COCH: variants seen among roughly 807,000 people sequenced by gnomAD.
COCH encodes the protein cochlin.
COCH carries 40 observed loss-of-function variants against 54.8 expected under a neutral mutation model. The ratio of observed to expected loss-of-function variants is 0.73; its 90% CI spans 0.57 to 0.95. COCH has a LOEUF of 0.95. Ranked by LOEUF, COCH falls within the 40% of genes least tolerant of loss-of-function variation. The pLI, the probability that COCH is intolerant of heterozygous loss-of-function variation, is 0.00. For synonymous variants in COCH, 256 were observed against 237.9 expected (o/e 1.08, Z -0.70); for missense variants, 605 against 675.0 (o/e 0.90, Z 1.15).
At chr14:30,881,820 C>T (rs541955862) in intron 8 of COCH, among the ~76,000 whole-genome samples, 7 of 151,266 alleles carry the variant, frequency 4.6e-5, no homozygotes, top group Admixed American at 3.9e-4. Flanking sequence ...AAAAATTAGC[C>T]GGGCGTGGTG....
chr14:30,887,386 T>C (rs531570000), intron 11 of COCH, among the ~76,000 whole-genome samples: 4 of 149,672 alleles, frequency 2.7e-5, no homozygotes, highest in Non-Finnish European at 5.9e-5. Context: ...AGAGTGAGAC[T>C]CTGTCTCAAA....
chr14:30,891,797 A>G (rs1372066877), downstream of COCH, among the ~76,000 whole-genome samples: 1 of 152,250 alleles, frequency 6.6e-6, no homozygotes, highest in Non-Finnish European at 1.5e-5. Context: ...TAACCAGGGA[A>G]TAGCAGCAAG....
downstream of COCH, among the ~76,000 whole-genome samples, chr14:30,892,778 G>C (rs1896016495): frequency 6.6e-6 from 1 of 151,720 alleles, no homozygotes. Flanking sequence ...TTGCACTCCA[G>C]CCTGGGCAAC....
rs143467211 is a variant in COCH at position 30,890,416 on chromosome 14, T to C, written c.*625T>C. 3.3e-4 allele frequency: 322 copies of C among 980,638 alleles called. 1 individual carries two copies. The African/African-American group carries it at 5.2e-3, about 16-fold the overall frequency. The allele number at this position is 980,638 out of a possible 1,614,324, so 60.7% of individuals were successfully genotyped here. A position where few individuals can be genotyped will look rare whatever the true frequency, so the allele number is the denominator to read the frequency against. Reference sequence around the variant, plus strand: ...ATAAGAGAGCAGGATTGCCAGGTATTTTTCTATTTCTCTCCTTAATTTTAT... The same window carrying C: ...ATAAGAGAGCAGGATTGCCAGGTATCTTTCTATTTCTCTCCTTAATTTTAT... On this transcript the variant is annotated 3_prime_UTR_variant, in exon 12 of 12. Transcript: ENST00000396618.
At position 30,885,029 on chromosome 14, in the gene COCH, A is replaced by G. The variant is rs752159172; in HGVS notation, c.734-365A>G. 12 of 1,597,976 alleles carry G rather than the reference A, an allele frequency of 7.5e-6. No individual in the cohort carries two copies. The Admixed American group carries it at 1.0e-4, about 13-fold the overall frequency. On this transcript the variant is annotated intron_variant, in intron 9 of 11. Transcript: ENST00000396618. ...TAGCACTACCGTTGACTCTGAAGAG[A>G]GACTTCTTAGAGGTACTAATCAGTC...
At chr14:30,879,580 T>G in intron 6 of COCH, 95 bp downstream of exon 6, 1 of 1,303,002 alleles carries the variant, frequency 7.7e-7, no homozygotes, top group South Asian at 1.2e-5. Flanking sequence ...TTAAAGAAAT[T>G]TGATATTAAA....
chr14:30,878,971 G>A, intron 5 of COCH, 27 bp downstream of exon 5: 1 of 1,612,784 alleles, frequency 6.2e-7, no homozygotes, highest in Non-Finnish European at 8.5e-7. Context: ...TTCTCATTCT[G>A]TAATATTCTC....
At chr14:30,876,826 T>C (rs1173787823) in intron 3 of COCH, among the ~76,000 whole-genome samples, 1 of 151,962 alleles carries the variant, frequency 6.6e-6, no homozygotes, top group African/African-American at 2.4e-5. Flanking sequence ...GGAGACAAGA[T>C]CTTATTCTGT....
chr14:30,877,303 G>A lies in COCH; in HGVS notation c.83-269G>A, dbSNP rs1895395428. The A allele has an allele frequency of 4.9e-6, 2 of 408,520 alleles. No homozygotes were observed. Among genetic ancestry groups the A allele is most frequent in the Admixed American group, 7.4e-5 (2 of 26,934 alleles). 25.3% of individuals were successfully genotyped at this position (408,520 alleles called of 1,614,324 possible). On this transcript the variant is annotated intron_variant, in intron 3 of 11. Coordinates refer to ENST00000396618, the MANE Select transcript of COCH (RefSeq NM_004086.3). The surrounding 1 kb of genome is among the most constrained non-coding windows in gnomAD (Gnocchi z 8.6). ...ATTTGAGCCTAGCTTGGGCAACTTG[G>A]CGAGTCCCCATTTCAAAAACAAAAA...
intron 3 of COCH, chr14:30,875,317 C>A: frequency 1.5e-6 from 1 of 667,612 alleles, no homozygotes; most frequent in Admixed American, 2.9e-5. Flanking sequence ...CCCCTGGGGT[C>A]CAGTGGGGGG....
rs1428124333 is a variant in COCH, at chr14:30,884,744, A to G, written c.733+88A>G. ...AAACAGTATTATGCTATTTTATATG[A>G]GCAGATGTGAAATCCTCCTGGAACT... On this transcript the variant is annotated intron_variant, in intron 9 of 11. Transcript: ENST00000396618. 9 of 1,285,050 alleles carry G rather than the reference A, an allele frequency of 7.0e-6. No individual in the cohort carries two copies. The East Asian group carries it at 2.1e-4, about 31-fold the overall frequency. The allele number at this position is 1,285,050 out of a possible 1,614,324, so 79.6% of individuals were successfully genotyped here. A position where few individuals can be genotyped will look rare whatever the true frequency, so the allele number is the denominator to read the frequency against.
Position 30,878,793 on chromosome 14 carries a change from G to A in COCH, c.240-18G>A. The stretch of plus-strand genomic sequence containing the variant: ...AAAAAGTGTGGATAGCATCTCAGCT[G>A]CTATTCTTGTGTTACAGGGGAGTAA... On this transcript the variant is annotated intron_variant, in intron 4 of 11. Coordinates refer to ENST00000396618, the MANE Select transcript of COCH (RefSeq NM_004086.3). The A allele has an allele frequency of 6.2e-7, 1 of 1,614,138 alleles. No homozygotes were observed. Among genetic ancestry groups the A allele is most frequent in the Non-Finnish European group, 8.5e-7 (1 of 1,180,030 alleles).
downstream of COCH, among the ~76,000 whole-genome samples, chr14:30,892,602 GT>G (rs1258520266): frequency 6.6e-6 from 1 of 152,206 alleles, no homozygotes; most frequent in African/African-American, 2.4e-5. Flanking sequence ...TGACTCAGGA[GT>G]TTGAGACCTG....
chr14:30,894,908 TA>T (rs1566420598), downstream of COCH: 27 of 1,054,276 alleles, frequency 2.6e-5, no homozygotes, highest in South Asian at 8.3e-5. Flanking sequence ...TTTTTTTTTT[TA>T]AAGCAAAATA....
downstream of COCH, among the ~76,000 whole-genome samples, chr14:30,892,825 CA>C (rs35404012): frequency 0.22 from 33,047 of 150,130 alleles, 3,907 homozygotes; most frequent in Middle Eastern, 0.29. Flanking sequence ...AAAAAAAAAA[CA>C]AAAAACTTGA....
At position 30,879,444 on chromosome 14, in the gene COCH, A is replaced by C; in HGVS notation, c.395A>C (p.Glu132Ala). The change falls in exon 6 of 12, where the codon GAG becomes GCG. Residue 132 changes from glutamate to alanine, a missense_variant. Glu to Ala is a moderately radical substitution (Grantham distance 107). Coordinates refer to ENST00000396618, the MANE Select transcript of COCH (RefSeq NM_004086.3). ...TVTKGKSSTQEATGQAVSTAH... is the reference protein window; with the variant it reads ...TVTKGKSSTQAATGQAVSTAH... ...ACAGAAGGCAAAAGTAGTACACAGG[A>C]GGCCACAGGACAAGCAGTGTCCACA... The C allele has an allele frequency of 6.2e-7, 1 of 1,614,144 alleles. No homozygotes were observed. The highest frequency in any genetic ancestry group is 1.1e-5 in the South Asian group (1 of 91,088).
At chr14:30,882,119 G>GTTTTTTTTTTTTTTTTTTTTTT (rs1566410309) in intron 8 of COCH, among the ~76,000 whole-genome samples, 2 of 84,874 alleles carry the variant, frequency 2.4e-5, no homozygotes, top group Non-Finnish European at 4.5e-5. Flanking sequence ...ACTATAAAAT[G>GTTTTTTTTTTTTTTTTTTTTTT]GTTTTTTTTT....
At chr14:30,884,892 A>G in intron 9 of COCH, 2 of 1,581,424 alleles carry the variant, frequency 1.3e-6, no homozygotes, top group Non-Finnish European at 1.7e-6. Context: ...TAGAATTCTC[A>G]TACATTGGAT....
Position 30,874,860 on chromosome 14 carries a change from G to C in COCH, c.-23-56G>C, listed in dbSNP as rs528387564. On this transcript the variant is annotated intron_variant, in intron 1 of 11. Transcript: ENST00000396618. The stretch of plus-strand genomic sequence containing the variant: ...CCGAAGGGTGCGGGGCTCTGAGGAG[G>C]TGACGCGCGGGGCCTCCCGCACCCT... 452 of 1,531,962 alleles carry C rather than the reference G, an allele frequency of 3.0e-4. 7 individuals carry two copies. The South Asian group carries it at 4.9e-3, about 17-fold the overall frequency. The allele number at this position is 1,531,962 out of a possible 1,614,324, so 94.9% of individuals were successfully genotyped here. A position where few individuals can be genotyped will look rare whatever the true frequency, so the allele number is the denominator to read the frequency against.
Sources: gnomAD v4.1 joint callset for allele counts (sites outside exome capture counted in the v4.1 genomes callset) on GRCh38, gnomAD v4.1.1 for gene constraint, Gnocchi (gnomAD v3.1) non-coding constraint, MANE v1.5 for transcripts, NCBI Gene and HGNC (gene_info 2026-07-23, HGNC 2026-07-21) for gene names.